The following LEKR1 variants were observed in gnomAD, a reference collection of about 807,000 sequenced individuals.
LEKR1 encodes the protein protein LEKR1.
A neutral mutation model predicts 72.4 loss-of-function variants in LEKR1; 59 were observed. The observed-to-expected ratio is 0.82, with a 90% confidence interval of 0.66 to 1.01. LEKR1 has a LOEUF of 1.01. Ranked by LOEUF, LEKR1 falls within the 50% of genes least tolerant of loss-of-function variation. LEKR1 has a pLI of 0.00. For synonymous variants in LEKR1, 257 were observed against 263.2 expected (o/e 0.98, Z 0.23); for missense variants, 728 against 759.2 (o/e 0.96, Z 0.48).
chr3:156,938,698 T>C lies in LEKR1; in HGVS notation c.560-3831T>C, dbSNP rs1378549564. Among the ~76,000 whole-genome samples, 13 of 152,356 alleles carry C rather than the reference T, an allele frequency of 8.5e-5. No homozygotes were observed. The East Asian group carries it at 2.5e-3, about 29-fold the overall frequency. ...CATTTTTAGTTTAAAATAAATTGTGTAGTTTTTTTTATTTATTTAGTAAAT... is the reference window on the plus strand; with the variant it reads ...CATTTTTAGTTTAAAATAAATTGTGCAGTTTTTTTTATTTATTTAGTAAAT... On this transcript the variant is annotated intron_variant, in intron 5 of 12. Transcript: ENST00000356539.
At chr3:156,832,182 G>C (rs1300588831) in intron 2 of LEKR1, among the ~76,000 whole-genome samples, 1 of 151,896 alleles carries the variant, frequency 6.6e-6, no homozygotes. Flanking sequence ...CAGCACTTAA[G>C]TGAACAGGTG....
At chr3:156,909,716 T>G (rs981500925) in intron 3 of LEKR1, among the ~76,000 whole-genome samples, 1 of 151,974 alleles carries the variant, frequency 6.6e-6, no homozygotes, top group African/African-American at 2.4e-5. Flanking sequence ...ATTGTGATCC[T>G]TTCCATTTCT....
At chr3:156,839,190 A>G (rs1713560833) in intron 2 of LEKR1, among the ~76,000 whole-genome samples, 1 of 152,206 alleles carries the variant, frequency 6.6e-6, no homozygotes, top group African/African-American at 2.4e-5. Context: ...ATGGGAAAAG[A>G]TAAACATCAG....
intron 12 of LEKR1, among the ~76,000 whole-genome samples, chr3:157,036,066 G>A (rs1024192161): frequency 6.6e-6 from 1 of 152,012 alleles, no homozygotes; most frequent in African/African-American, 2.4e-5. Flanking sequence ...TTTTAAACAC[G>A]AACAGCCAAG....
chr3:156,888,935 T>C (rs1456126623), intron 3 of LEKR1, among the ~76,000 whole-genome samples: 1 of 152,236 alleles, frequency 6.6e-6, no homozygotes, highest in Admixed American at 6.5e-5. Flanking sequence ...GCTCTTATTT[T>C]CTAAAAAGGA....
rs530552492 is a variant in LEKR1 at position 156,985,464 on chromosome 3, C to T, written c.827+6189C>T. ...CAGTTGTAGTGACAGAATAACGGCT[C>T]CCCAAAGAGTTTCATGTCCTAATCC... is the stretch of plus-strand genomic sequence containing the variant. On this transcript the variant is annotated intron_variant, in intron 7 of 12. Transcript: ENST00000356539. Among the ~76,000 whole-genome samples, 3 of 152,244 alleles carry T rather than the reference C, an allele frequency of 2.0e-5. No individual in the cohort carries two copies. The South Asian group carries it at 6.2e-4, about 32-fold the overall frequency.
At chr3:156,964,769 C>A (rs1728422221) in intron 6 of LEKR1, among the ~76,000 whole-genome samples, 1 of 152,102 alleles carries the variant, frequency 6.6e-6, no homozygotes, top group South Asian at 2.1e-4. Context: ...TAAGCATGAT[C>A]TCTGATTATG....
At chr3:156,902,390 T>C (rs1722121296) in intron 3 of LEKR1, among the ~76,000 whole-genome samples, 2 of 152,176 alleles carry the variant, frequency 1.3e-5, no homozygotes, top group South Asian at 4.1e-4. Context: ...TTTTTTAAAG[T>C]ATATTTCAGT....
intron 4 of LEKR1, among the ~76,000 whole-genome samples, chr3:156,923,942 T>C (rs1724459177): frequency 6.6e-6 from 1 of 152,186 alleles, no homozygotes; most frequent in Admixed American, 6.5e-5. Flanking sequence ...TTAGCCAGGA[T>C]GGTCTCAATC....
At position 156,907,420 on chromosome 3, in the gene LEKR1, A is replaced by G. The variant is rs930752658; in HGVS notation, c.264-13155A>G. 2.0e-5 allele frequency among the ~76,000 whole-genome samples: 3 copies of G among 151,902 alleles called. No individual in the cohort carries two copies. The East Asian group carries it at 5.8e-4, about 29-fold the overall frequency. ...TACAAGTCTACTTTATTATATTTTTATTTTTTGTATACTATTCCATAGGAC... is the reference window on the plus strand; with the variant it reads ...TACAAGTCTACTTTATTATATTTTTGTTTTTTGTATACTATTCCATAGGAC... On this transcript the variant is annotated intron_variant, in intron 3 of 12. Coordinates refer to ENST00000356539, the MANE Select transcript of LEKR1 (RefSeq NM_001004316.3).
At chr3:157,038,031 T>C (rs1289013467) in intron 12 of LEKR1, among the ~76,000 whole-genome samples, 1 of 152,212 alleles carries the variant, frequency 6.6e-6, no homozygotes, top group Admixed American at 6.5e-5. Flanking sequence ...GGTCTTTGGA[T>C]ACTTTGCTAG....
At chr3:156,942,954 C>T (rs1208376599) in intron 6 of LEKR1, among the ~76,000 whole-genome samples, 1 of 151,864 alleles carries the variant, frequency 6.6e-6, no homozygotes, top group Non-Finnish European at 1.5e-5. Flanking sequence ...GACATTTCAA[C>T]TGCAACGTAA....
At chr3:157,029,317 G>A (rs1000219028) in intron 12 of LEKR1, among the ~76,000 whole-genome samples, 41 of 151,988 alleles carry the variant, frequency 2.7e-4, no homozygotes, top group African/African-American at 9.9e-4. Context: ...GATAAAATAT[G>A]GAGTAGATAG....
At chr3:157,024,357 T>C (rs960217925) in intron 10 of LEKR1, among the ~76,000 whole-genome samples, 3 of 152,186 alleles carry the variant, frequency 2.0e-5, no homozygotes, top group Non-Finnish European at 4.4e-5. Flanking sequence ...AAAATCAACA[T>C]TTGTCCTTTG....
intron 4 of LEKR1, chr3:156,924,384 A>G (rs1576833273): frequency 2.0e-6 from 1 of 502,190 alleles, no homozygotes; most frequent in East Asian, 3.1e-5. Flanking sequence ...TATATGAACT[A>G]TGATTTGCAA....
At position 157,045,427 on chromosome 3, in the gene LEKR1, C is replaced by T. The variant is rs753101335; in HGVS notation, c.1756C>T (p.Leu586=). ...TTTGAGTCAAGCCAGAGAACAGCTC[C>T]TGGAGCTCAGTAAGCTTCGTGGAAG... The part of the protein sequence containing the change: ...EALSQAREQL[L]ELSKLRGSLP... Residue 586 remains leucine, a synonymous_variant, in exon 13 of 13, where the codon CTG becomes TTG. Coordinates refer to ENST00000356539, the MANE Select transcript of LEKR1 (RefSeq NM_001004316.3). 8.1e-6 allele frequency: 13 copies of T among 1,613,998 alleles called. No homozygotes were observed. The Admixed American group carries it at 1.8e-4, about 23-fold the overall frequency.
intron 12 of LEKR1, among the ~76,000 whole-genome samples, chr3:157,034,574 A>G (rs1408038329): frequency 6.6e-6 from 1 of 152,208 alleles, no homozygotes; most frequent in Non-Finnish European, 1.5e-5. Flanking sequence ...CATTTGTTGA[A>G]ATGGAATCTA....
chr3:156,844,355 T>C (rs73023819), intron 2 of LEKR1, among the ~76,000 whole-genome samples: 2,591 of 152,230 alleles, frequency 0.017, 74 homozygotes, highest in African/African-American at 0.059. Context: ...GAAATCCCAC[T>C]TATTCGTCAT....
intron 6 of LEKR1, among the ~76,000 whole-genome samples, chr3:156,969,725 C>T (rs984661326): frequency 6.6e-6 from 1 of 152,196 alleles, no homozygotes; most frequent in East Asian, 1.9e-4. Context: ...CCTTCTGAAA[C>T]TATTCCAATC....
Sources: allele counts gnomAD v4.1 joint callset (sites outside exome capture counted in the v4.1 genomes callset), GRCh38; gene constraint gnomAD v4.1.1; transcripts MANE v1.5; gene names NCBI Gene and HGNC (gene_info 2026-07-23, HGNC 2026-07-21).